ATP11A: variants seen among roughly 807,000 people sequenced by gnomAD.
ATP11A encodes the protein ATPase phospholipid transporting 11A, also known as phospholipid-transporting ATPase IH.
Under a neutral mutation model 154.4 loss-of-function variants are expected in ATP11A, and 81 were observed. The ratio of observed to expected loss-of-function variants is 0.52; its 90% CI spans 0.44 to 0.63. ATP11A has a LOEUF of 0.63. ATP11A is among the 30% of genes least tolerant of loss of function. ATP11A has a pLI of 0.00. For missense variants in ATP11A, 1,316 were observed against 1,474.3 expected (o/e 0.89, Z 1.76); for synonymous variants, 623 against 585.9 (o/e 1.06, Z -0.91).
chr13:112,831,777 C>T (rs1190709248), intron 13 of ATP11A, among the ~76,000 whole-genome samples: 1 of 152,258 alleles, frequency 6.6e-6, no homozygotes, highest in East Asian at 1.9e-4. Context: ...AGGGCAAACA[C>T]ACATGCATGC....
At chr13:112,862,813 G>A (rs1331070691) in intron 25 of ATP11A, among the ~76,000 whole-genome samples, 1 of 147,836 alleles carries the variant, frequency 6.8e-6, no homozygotes, top group Admixed American at 6.7e-5. Context: ...ATCACCACCT[G>A]CGCAGTAATT....
chr13:112,774,150 G>C (rs555898181), intron 1 of ATP11A, among the ~76,000 whole-genome samples: 3 of 152,384 alleles, frequency 2.0e-5, no homozygotes, highest in Admixed American at 6.5e-5. Flanking sequence ...ACAAAGGATA[G>C]ACTGCAGGCT....
intron 13 of ATP11A, among the ~76,000 whole-genome samples, chr13:112,832,185 G>A (rs1566545142): frequency 6.6e-6 from 1 of 152,226 alleles, no homozygotes; most frequent in African/African-American, 2.4e-5. Context: ...CGTGGCTCCA[G>A]ATCTCAGCAT....
At chr13:112,721,808 C>T (rs1392901511) in intron 1 of ATP11A, among the ~76,000 whole-genome samples, 1 of 152,306 alleles carries the variant, frequency 6.6e-6, no homozygotes, top group African/African-American at 2.4e-5. Context: ...GGCTGTTTCC[C>T]AAATTCAGAT....
At position 112,867,714 on chromosome 13, in the gene ATP11A, T is replaced by TTGAGCCCCCAC. The variant is rs1411299489; in HGVS notation, c.2992-4021_2992-4020insTGAGCCCCCAC. On this transcript the variant is annotated intron_variant, in intron 25 of 29. Transcript: ENST00000375645. ...TACCCTCCAGCCCCTGGCTATGTCC[T>TTGAGCCCCCAC]GGAAGGTACCTTGAGCCCCCACGGA... Among the ~76,000 whole-genome samples the TTGAGCCCCCAC allele has an allele frequency of 4.6e-5, 7 of 152,314 alleles. No individual in the cohort carries two copies. In the South Asian group the frequency reaches 1.5e-3, roughly 32 times the overall value.
chr13:112,721,566 G>A (rs986048531), intron 1 of ATP11A, among the ~76,000 whole-genome samples: 1 of 152,158 alleles, frequency 6.6e-6, no homozygotes, highest in African/African-American at 2.4e-5. Flanking sequence ...AAGATGGAAC[G>A]GGGATGTGGC....
intron 1 of ATP11A, among the ~76,000 whole-genome samples, chr13:112,773,676 C>T (rs923432035): frequency 1.1e-4 from 17 of 152,230 alleles, no homozygotes; most frequent in Non-Finnish European, 2.5e-4. Flanking sequence ...GGTCCTTCCT[C>T]AACACTGTTG....
chr13:112,744,385 G>A (rs763992188), intron 1 of ATP11A, among the ~76,000 whole-genome samples: 2 of 152,216 alleles, frequency 1.3e-5, no homozygotes, highest in African/African-American at 4.8e-5. Flanking sequence ...GGGAGGGTGT[G>A]ATGGAGTGCA....
At chr13:112,747,858 CGAAG>C (rs1484013771) in intron 1 of ATP11A, among the ~76,000 whole-genome samples, 1 of 150,934 alleles carries the variant, frequency 6.6e-6, no homozygotes, top group Non-Finnish European at 1.5e-5. Flanking sequence ...CAAAACAAAA[CGAAG>C]GAACACAGGA....
At position 112,807,763 on chromosome 13, in the gene ATP11A, CTG is replaced by C. The variant is rs2078364057; in HGVS notation, c.333+1473_333+1474del. ...ATTAGGTGAGGGCGTCCCGTGCTAT[CTG>C]TGATACATCTGTGTGGTAGGAGCAG... On this transcript the variant is annotated intron_variant, in intron 4 of 29. Coordinates refer to ENST00000375645, the MANE Select transcript of ATP11A (RefSeq NM_015205.3). The surrounding 1 kb of genome is among the most constrained non-coding windows in gnomAD (Gnocchi z 4.5). 6.6e-6 allele frequency among the ~76,000 whole-genome samples: 1 copy of C among 152,172 alleles called. No individual in the cohort carries two copies. Among genetic ancestry groups the C allele is most frequent in the African/African-American group, 2.4e-5 (1 of 41,518 alleles).
rs1009070726 is a variant in ATP11A at position 112,824,418 on chromosome 13, G to A, written c.865G>A (p.Val289Met). 8.1e-6 allele frequency: 13 copies of A among 1,614,076 alleles called. No homozygotes were observed. Among genetic ancestry groups the A allele is most frequent in the Admixed American group, 3.3e-5 (2 of 60,016 alleles). ...ATCAAAATCTCAGAAGCGATCTGCC[G>A]TGGAAAAGTAAGGCTGGATGCGCGT... ...YQSKSQKRSA[V>M]EKSMNAFLIV... Residue 289 changes from valine (V) to methionine (M), a missense_variant, in exon 10 of 30, where the codon GTG (valine) becomes ATG (methionine). By Grantham distance (21) the Val-to-Met change is conservative. Transcript: ENST00000375645.
At chr13:112,781,692 T>G (rs2077503131) in intron 1 of ATP11A, among the ~76,000 whole-genome samples, 1 of 150,020 alleles carries the variant, frequency 6.7e-6, no homozygotes, top group African/African-American at 2.4e-5. Context: ...CAGTTTAGTC[T>G]TCCTAGAATT....
In ATP11A at chr13:112,785,912, A is replaced by G. The variant is rs2077613979; in HGVS notation, c.162+655A>G. Among the ~76,000 whole-genome samples, 1 of 152,188 alleles carries G rather than the reference A, an allele frequency of 6.6e-6. No homozygotes were observed. Among genetic ancestry groups the G allele is most frequent in the South Asian group, 2.1e-4 (1 of 4,836 alleles). On this transcript the variant is annotated intron_variant, in intron 2 of 29. Coordinates refer to ENST00000375645, the MANE Select transcript of ATP11A (RefSeq NM_015205.3). The surrounding 1 kb of genome is among the most constrained non-coding windows in gnomAD (Gnocchi z 4.8). ...AAACATGGGGTAAACTGTGCTTTCC[A>G]GGTAATGCGGAACGCACGTGCCTGC...
In ATP11A at chr13:112,753,656, G is replaced by A. The variant is rs745522789; in HGVS notation, c.40-31479G>A. 1.3e-5 allele frequency among the ~76,000 whole-genome samples: 2 copies of A among 152,192 alleles called. No homozygotes were observed. The highest frequency in any genetic ancestry group is 6.5e-5 in the Admixed American group (1 of 15,280). ...CTTTTGCCCATCTTTCATTTGGGTTGTGTCTTGAGGAGCTCTTTATATACT... is the reference window on the plus strand; with the variant it reads ...CTTTTGCCCATCTTTCATTTGGGTTATGTCTTGAGGAGCTCTTTATATACT... On this transcript the variant is annotated intron_variant, in intron 1 of 29. Coordinates refer to ENST00000375645, the MANE Select transcript of ATP11A (RefSeq NM_015205.3). The surrounding 1 kb of genome is among the most constrained non-coding windows in gnomAD (Gnocchi z 4.1).
chr13:112,741,973 G>A lies in ATP11A; in HGVS notation c.40-43162G>A, dbSNP rs1035158154. ...AAGAGCGCTCCCCTTCCCCACGGAA[G>A]AGTGGTTCCCCCACCACAGAAGAGT... On this transcript the variant is annotated intron_variant, in intron 1 of 29. Coordinates refer to ENST00000375645, the MANE Select transcript of ATP11A (RefSeq NM_015205.3). Among the ~76,000 whole-genome samples the A allele has an allele frequency of 2.6e-5, 4 of 151,366 alleles. No individual in the cohort carries two copies. In the East Asian group the frequency reaches 7.8e-4, roughly 30 times the overall value.
At chr13:112,732,019 G>A (rs997204037) in intron 1 of ATP11A, among the ~76,000 whole-genome samples, 3 of 151,996 alleles carry the variant, frequency 2.0e-5, no homozygotes, top group East Asian at 1.9e-4. Flanking sequence ...ACAGTGGCCC[G>A]CAGCGGCATC....
At chr13:112,874,499 G>T (rs1024152393) in intron 27 of ATP11A, among the ~76,000 whole-genome samples, 3 of 152,200 alleles carry the variant, frequency 2.0e-5, no homozygotes, top group African/African-American at 7.2e-5. Flanking sequence ...ACGCTGAGTG[G>T]TATGGGCCCA....
intron 10 of ATP11A, among the ~76,000 whole-genome samples, chr13:112,824,768 C>G (rs551320801): frequency 6.6e-6 from 1 of 152,308 alleles, no homozygotes; most frequent in East Asian, 1.9e-4. Flanking sequence ...GGGATTTGGT[C>G]AAAACCACGT....
chr13:112,748,747 A>G (rs534539821), intron 1 of ATP11A, among the ~76,000 whole-genome samples: 1 of 152,180 alleles, frequency 6.6e-6, no homozygotes, highest in Non-Finnish European at 1.5e-5. Context: ...CTAGCCAGCT[A>G]CAGAGATAAT....
Sources: gnomAD v4.1 joint callset for allele counts (sites outside exome capture counted in the v4.1 genomes callset) on GRCh38, gnomAD v4.1.1 for gene constraint, Gnocchi (gnomAD v3.1) non-coding constraint, MANE v1.5 for transcripts, NCBI Gene and HGNC (gene_info 2026-07-23, HGNC 2026-07-21) for gene names.